ADAP1: variants seen among roughly 807,000 people sequenced by gnomAD.
The protein encoded by ADAP1 is ArfGAP with dual PH domains 1.
Under a neutral mutation model 54.9 loss-of-function variants are expected in ADAP1, and 31 were observed. That is an observed-to-expected ratio of 0.56 (90% CI 0.42 to 0.76). ADAP1 has a LOEUF of 0.76. ADAP1 is among the 30% of genes least tolerant of loss of function. The pLI is 0.00. For missense variants in ADAP1, 535 were observed against 512.4 expected (o/e 1.04, Z -0.42); for synonymous variants, 313 against 202.6 (o/e 1.55, Z -4.63).
chr7:900,170 G>T lies in ADAP1; in HGVS notation c.733-6C>A, dbSNP rs1342702342. ...CTGGAGAGCTTTGGCACCAGCTAGG[G>T]CAGGACACACCAGGCAGGGGACCTC... On this transcript the variant is annotated splice_polypyrimidine_tract_variant and splice_region_variant and intron_variant, in intron 7 of 10. Transcript: ENST00000265846. 4 of 1,612,952 alleles carry T rather than the reference G, an allele frequency of 2.5e-6. No individual in the cohort carries two copies. Among genetic ancestry groups the T allele is most frequent in the Admixed American group, 1.7e-5 (1 of 60,002 alleles).
rs367837428 is a variant in ADAP1 at position 899,013 on chromosome 7, C to T, written c.1096+20G>A. 8.1e-5 allele frequency: 131 copies of T among 1,609,396 alleles called. 2 individuals are homozygous for T. The highest frequency in any genetic ancestry group is 3.8e-4 in the South Asian group (35 of 90,998). ...GGAGCTGGGAGCCCTTCCAGGCCGC[C>T]GGCCGCCCGCCCCCCTCACCTGCGT... is the stretch of plus-strand genomic sequence containing the variant. On this transcript the variant is annotated intron_variant, in intron 10 of 10. Transcript: ENST00000265846.
At chr7:905,655 A>AGAAAGGAGAAAGGAGAAAGG (rs1562912550) in intron 4 of ADAP1, 2 of 33,520 alleles carry the variant, frequency 6.0e-5, no homozygotes, top group African/African-American at 1.8e-4. Flanking sequence ...AAGGGAAAGG[A>AGAAAGGAGAAAGGAGAAAGG]GAAAGGAGAA....
At chr7:950,196 T>A (rs981665200) in intron 1 of ADAP1, among the ~76,000 whole-genome samples, 2 of 152,164 alleles carry the variant, frequency 1.3e-5, no homozygotes, top group Non-Finnish European at 2.9e-5. Context: ...CACAAAAGAA[T>A]GAATACCAGC....
rs1554271646 is a variant in ADAP1, at chr7:905,312, C to CACAG, written c.389-141_389-140insCTGT. The CACAG allele has an allele frequency of 4.3e-5, 11 of 255,932 alleles. 1 individual carries two copies. In the African/African-American group the frequency reaches 4.8e-4, roughly 11 times the overall value. The allele number at this position is 255,932 out of a possible 1,614,324, so 15.9% of individuals were successfully genotyped here. On this transcript the variant is annotated intron_variant, in intron 4 of 10. Coordinates refer to ENST00000265846, the MANE Select transcript of ADAP1 (RefSeq NM_006869.4). Reference sequence around the variant, plus strand: ...GGGGACACGGACAGGGGGAGACGGACGGGGAGAGGGGACATGGAGGAGACA... The same window carrying CACAG: ...GGGGACACGGACAGGGGGAGACGGACACAGGGGGAGAGGGGACATGGAGGAGACA...
rs1845427819 is a variant in ADAP1 at position 906,705 on chromosome 7, GGGACGGGACA to G, written c.389-1543_389-1534del. On this transcript the variant is annotated intron_variant, in intron 4 of 10. Coordinates refer to ENST00000265846, the MANE Select transcript of ADAP1 (RefSeq NM_006869.4). ...GGGGACACGGGGGACATGGACATGG[GGGACGGGACA>G]TCGGGGACGGGACATGGGGGACAGA... 2.5e-4 allele frequency among the ~76,000 whole-genome samples: 8 copies of G among 32,600 alleles called. 2 individuals carry two copies. The highest frequency in any genetic ancestry group is 2.1e-3 in the Admixed American group (6 of 2,898). The allele number at this position is 32,600 out of a possible 152,430, so 21.4% of individuals were successfully genotyped here.
chr7:947,533 C>T (rs562846967), intron 1 of ADAP1, among the ~76,000 whole-genome samples: 2 of 152,020 alleles, frequency 1.3e-5, no homozygotes, highest in African/African-American at 2.4e-5. Flanking sequence ...ACTGCTCCCA[C>T]GTCCCCATCT....
At chr7:916,270 G>A (rs1387927535) in intron 4 of ADAP1, among the ~76,000 whole-genome samples, 1 of 152,182 alleles carries the variant, frequency 6.6e-6, no homozygotes, top group African/African-American at 2.4e-5. Context: ...GCAGAACTAG[G>A]AGATAGAGGT....
chr7:914,409 G>T (rs923138306), intron 4 of ADAP1, among the ~76,000 whole-genome samples: 1 of 152,328 alleles, frequency 6.6e-6, no homozygotes, highest in East Asian at 1.9e-4. Context: ...AACGCCGCCG[G>T]GAATCCCCAG....
chr7:913,808 G>A (rs535573884), intron 4 of ADAP1, among the ~76,000 whole-genome samples: 13 of 152,238 alleles, frequency 8.5e-5, no homozygotes, highest in African/African-American at 1.2e-4. Flanking sequence ...GGTGGGGGGC[G>A]CCTGTAGTCC....
At chr7:914,103 C>A (rs1240955091) in intron 4 of ADAP1, among the ~76,000 whole-genome samples, 1 of 152,226 alleles carries the variant, frequency 6.6e-6, no homozygotes, top group Admixed American at 6.5e-5. Context: ...GCCATTTCCA[C>A]CCACAGCCAA....
chr7:947,216 T>G (rs375289308), intron 1 of ADAP1, among the ~76,000 whole-genome samples: 1 of 39,108 alleles, frequency 2.6e-5, no homozygotes, highest in East Asian at 7.0e-4. Context: ...ATTTTTTGGT[T>G]TTTTTTTTTT....
chr7:904,484 T>G (rs1293736115), intron 5 of ADAP1, among the ~76,000 whole-genome samples: 1 of 152,090 alleles, frequency 6.6e-6, no homozygotes, highest in East Asian at 1.9e-4. Context: ...TCAACGACAC[T>G]GTGCAGGTGG....
At chr7:925,458 G>A (rs1293459580) in intron 3 of ADAP1, among the ~76,000 whole-genome samples, 2 of 146,782 alleles carry the variant, frequency 1.4e-5, no homozygotes, top group Admixed American at 6.8e-5. Context: ...TCTTCCCTCC[G>A]GCCTCCCCTC....
chr7:898,742 C>T lies in ADAP1; in HGVS notation c.*179G>A, dbSNP rs1329867382. 5.2e-6 allele frequency: 4 copies of T among 771,522 alleles called. No homozygotes were observed. Among genetic ancestry groups the T allele is most frequent in the Non-Finnish European group, 8.4e-6 (4 of 475,906 alleles). 47.8% of individuals were successfully genotyped at this position (771,522 alleles called of 1,614,324 possible). Reference sequence around the variant, plus strand: ...TCAGGCCCAGGGCCTGGGCTGCCTGCCTTGAGGTTCCAGAGAAGCATCCTG... The same window carrying T: ...TCAGGCCCAGGGCCTGGGCTGCCTGTCTTGAGGTTCCAGAGAAGCATCCTG... On this transcript the variant is annotated 3_prime_UTR_variant, in exon 11 of 11. Transcript: ENST00000265846.
In ADAP1 at chr7:909,653, T is replaced by G. The variant is rs529641060; in HGVS notation, c.389-4481A>C. Among the ~76,000 whole-genome samples the G allele has an allele frequency of 9.2e-5, 14 of 152,314 alleles. 1 individual carries two copies. The highest frequency in any genetic ancestry group is 3.4e-3 in the Middle Eastern group (1 of 294). Reference sequence around the variant, plus strand: ...CCCAGTCGGCACCAGCAACAGCCAGTGAGACGGGGCTTCTCCCCACAGAGC... The same window carrying G: ...CCCAGTCGGCACCAGCAACAGCCAGGGAGACGGGGCTTCTCCCCACAGAGC... On this transcript the variant is annotated intron_variant, in intron 4 of 10. Transcript: ENST00000265846.
chr7:947,736 G>A (rs1847179958), intron 1 of ADAP1, among the ~76,000 whole-genome samples: 2 of 151,632 alleles, frequency 1.3e-5, no homozygotes, highest in African/African-American at 2.4e-5. Flanking sequence ...CCCACCTCCC[G>A]CTCCCGCGCT....
rs941407509 is a variant in ADAP1 at position 898,258 on chromosome 7, C to T, written c.*663G>A. 2 of 156,142 alleles carry T rather than the reference C, an allele frequency of 1.3e-5. No homozygotes were observed. Among genetic ancestry groups the T allele is most frequent in the Non-Finnish European group, 2.8e-5 (2 of 70,402 alleles). The allele number at this position is 156,142 out of a possible 1,614,324, so 9.7% of individuals were successfully genotyped here. On this transcript the variant is annotated 3_prime_UTR_variant, in exon 11 of 11. Transcript: ENST00000265846. ...GCCCAGGCCCTCGTCCCCAAGGGTT[C>T]AGACACCACTGTCGGCGAGCACCGT... is the stretch of plus-strand genomic sequence containing the variant.
intron 3 of ADAP1, among the ~76,000 whole-genome samples, chr7:923,638 T>A (rs1405707498): frequency 6.6e-6 from 1 of 152,020 alleles, no homozygotes; most frequent in Non-Finnish European, 1.5e-5. Flanking sequence ...GCCCTGGGCC[T>A]CTGCTTAGCT....
intron 3 of ADAP1, chr7:922,879 A>T (rs1335179708): frequency 9.6e-6 from 1 of 104,140 alleles, no homozygotes; most frequent in African/African-American, 3.8e-5. Context: ...CCCATTGTCT[A>T]TCCTGGGTGT....
Sources: gnomAD v4.1 joint callset for allele counts (sites outside exome capture counted in the v4.1 genomes callset) on GRCh38, gnomAD v4.1.1 for gene constraint, MANE v1.5 for transcripts, NCBI Gene and HGNC (gene_info 2026-07-23, HGNC 2026-07-21) for gene names.